Variants in SMARCA2 observed in about 807,000 individuals in gnomAD.
SMARCA2 encodes the protein SWI/SNF-related matrix-associated actin-dependent regulator of chromatin subfamily A member 2.
In SMARCA2, 61 loss-of-function variants were observed where a neutral mutation model predicts 199.8. That is an observed-to-expected ratio of 0.31 (90% CI 0.25 to 0.38). SMARCA2 has a LOEUF of 0.38. SMARCA2 is among the 10% of genes least tolerant of loss of function. The pLI is 1.00. For missense variants in SMARCA2, 1,344 were observed against 2,012.2 expected (o/e 0.67, Z 6.35); for synonymous variants, 935 against 732.0 (o/e 1.28, Z -4.48).
intron 27 of SMARCA2, among the ~76,000 whole-genome samples, chr9:2,138,647 G>T (rs909224536): frequency 6.6e-6 from 1 of 152,194 alleles, no homozygotes. Context: ...TCAGGGTTCT[G>T]CTTGCAGATT....
At chr9:2,143,698 G>C (rs955833183) in intron 27 of SMARCA2, among the ~76,000 whole-genome samples, 2 of 152,220 alleles carry the variant, frequency 1.3e-5, no homozygotes, top group African/African-American at 4.8e-5. Flanking sequence ...ACTGGGAAAT[G>C]ATGCTACCTT....
chr9:2,118,112 G>A (rs2130607361), intron 25 of SMARCA2, among the ~76,000 whole-genome samples: 1 of 152,298 alleles, frequency 6.6e-6, no homozygotes, highest in South Asian at 2.1e-4. Context: ...CATGGTCCAG[G>A]TGATGAGAGG....
intron 29 of SMARCA2, among the ~76,000 whole-genome samples, chr9:2,177,370 A>G (rs1482843377): frequency 2.0e-5 from 3 of 152,178 alleles, no homozygotes; most frequent in Admixed American, 6.5e-5. Context: ...TTATTAATAT[A>G]AACAATTTAT....
chr9:2,034,192 C>T (rs1053198556), intron 3 of SMARCA2, among the ~76,000 whole-genome samples: 4 of 145,476 alleles, frequency 2.7e-5, no homozygotes, highest in South Asian at 2.2e-4. Context: ...TGCAGTGAGC[C>T]GAGATCGCAC....
intron 24 of SMARCA2, among the ~76,000 whole-genome samples, chr9:2,113,302 A>G (rs1307938694): frequency 6.6e-6 from 1 of 152,162 alleles, no homozygotes; most frequent in Non-Finnish European, 1.5e-5. Flanking sequence ...CTCATTTCCA[A>G]ACTGTTGGTT....
intron 11 of SMARCA2, 22 bp downstream of exon 11, chr9:2,073,364 C>T: frequency 6.2e-7 from 1 of 1,613,374 alleles, no homozygotes; most frequent in African/African-American, 1.3e-5. Flanking sequence ...AAGCAGCGTT[C>T]ATGGTGTTCT....
intron 23 of SMARCA2, among the ~76,000 whole-genome samples, chr9:2,107,955 G>A (rs543765463): frequency 1.3e-5 from 2 of 152,290 alleles, no homozygotes; most frequent in African/African-American, 4.8e-5. Flanking sequence ...AAGGTTTAGG[G>A]ATATTTATGG....
At chr9:2,066,729 T>C (rs1820851420) in intron 9 of SMARCA2, among the ~76,000 whole-genome samples, 1 of 152,224 alleles carries the variant, frequency 6.6e-6, no homozygotes, top group Admixed American at 6.5e-5. Flanking sequence ...CAGCCCTTAA[T>C]ATTGATAGCA....
At chr9:2,158,036 A>C (rs1357329178) in intron 27 of SMARCA2, 1 of 392,480 alleles carries the variant, frequency 2.5e-6, no homozygotes, top group African/African-American at 2.1e-5. Flanking sequence ...CAGAACGTGC[A>C]CGCCGCTTTC....
intron 27 of SMARCA2, among the ~76,000 whole-genome samples, chr9:2,125,217 A>G (rs1362533639): frequency 2.0e-5 from 3 of 152,178 alleles, no homozygotes; most frequent in Admixed American, 6.5e-5. Flanking sequence ...ACTGCTCATT[A>G]TTTGTGGTTG....
intron 30 of SMARCA2, 59 bp from the exon 31 acceptor site, chr9:2,182,082 T>C (rs1471543277): frequency 3.7e-6 from 4 of 1,077,550 alleles, no homozygotes; most frequent in Non-Finnish European, 5.8e-6. Flanking sequence ...AACTAAGTAA[T>C]GATCGCTGAA....
At chr9:2,156,308 T>C (rs1825355584) in intron 27 of SMARCA2, among the ~76,000 whole-genome samples, 1 of 151,750 alleles carries the variant, frequency 6.6e-6, no homozygotes, top group South Asian at 2.1e-4. Flanking sequence ...CCTGCAGTTG[T>C]TGGGGTTTAA....
rs139299022 is a variant in SMARCA2 at position 2,170,573 on chromosome 9, C to T, written c.4253+101C>T. ...ATCGGCCTTTGGAAGCAAATTTCTT[C>T]GGTCACCTCCTGATCACCCCTACTT... is the stretch of plus-strand genomic sequence containing the variant. On this transcript the variant is annotated intron_variant, in intron 29 of 33. Transcript: ENST00000349721. This position sits in a 1 kb window ranked among gnomAD's most constrained non-coding sequence, Gnocchi z 4.7. 163 of 1,583,422 alleles carry T rather than the reference C, an allele frequency of 1.0e-4. No homozygotes were observed. The highest frequency in any genetic ancestry group is 6.7e-4 in the Middle Eastern group (4 of 5,950).
intron 17 of SMARCA2, among the ~76,000 whole-genome samples, 174 bp downstream of exon 17, chr9:2,084,370 C>CTGTGTGTGTGTG (rs3057851): frequency 6.3e-4 from 83 of 132,422 alleles, no homozygotes; most frequent in African/African-American, 2.3e-3. Flanking sequence ...TTCATGCATG[C>CTGTGTGTGTGTG]TGTGTGTGTG....
intron 19 of SMARCA2, among the ~76,000 whole-genome samples, chr9:2,093,822 A>T (rs1458378523): frequency 1.3e-5 from 2 of 152,214 alleles, no homozygotes; most frequent in Non-Finnish European, 2.9e-5. Flanking sequence ...TAGGGCTATA[A>T]ATCAACTTCC....
chr9:2,058,649 A>G (rs1820458303), intron 8 of SMARCA2, among the ~76,000 whole-genome samples, 185 bp downstream of exon 8: 1 of 152,204 alleles, frequency 6.6e-6, no homozygotes, highest in Non-Finnish European at 1.5e-5. Context: ...ATGCATGCCA[A>G]AAATCTAGGG....
chr9:2,047,102 T>A, intron 4 of SMARCA2, 127 bp from the exon 5 acceptor site: 3 of 582,166 alleles, frequency 5.2e-6, no homozygotes, highest in Non-Finnish European at 6.5e-6. Flanking sequence ...TTTTTCCTTC[T>A]CTTCCCTCAG....
chr9:2,087,849 G>A (rs1258013541), intron 18 of SMARCA2, among the ~76,000 whole-genome samples: 2 of 152,186 alleles, frequency 1.3e-5, no homozygotes, highest in African/African-American at 4.8e-5. Flanking sequence ...TTAACTCACT[G>A]GCTTGCCCAT....
chr9:2,061,991 AG>A (rs1820612920), intron 9 of SMARCA2, among the ~76,000 whole-genome samples: 1 of 152,194 alleles, frequency 6.6e-6, no homozygotes, highest in South Asian at 2.1e-4. Context: ...TTTGTTGGTG[AG>A]GAATACCTCA....
Sources: gnomAD v4.1 joint callset for allele counts (sites outside exome capture counted in the v4.1 genomes callset) on GRCh38, gnomAD v4.1.1 for gene constraint, Gnocchi (gnomAD v3.1) non-coding constraint, MANE v1.5 for transcripts, NCBI Gene and HGNC (gene_info 2026-07-23, HGNC 2026-07-21) for gene names.